The following BRD10 variants were observed in gnomAD, a reference collection of about 807,000 sequenced individuals.
BRD10 encodes the protein uncharacterized bromodomain-containing protein 10.
the BRD10 span, among the ~76,000 whole-genome samples, chr9:5,914,880 A>G: frequency 6.6e-6 from 1 of 152,170 alleles, no homozygotes; most frequent in Admixed American, 6.5e-5. Flanking sequence ...GAGAGACACA[A>G]ATCAATAAAG....
chr9:5,980,599 C>T, the BRD10 span, among the ~76,000 whole-genome samples: 1 of 151,754 alleles, frequency 6.6e-6, no homozygotes, highest in Non-Finnish European at 1.5e-5. Flanking sequence ...AAATTAGGTA[C>T]ATTTAAAGAT....
the BRD10 span, among the ~76,000 whole-genome samples, chr9:5,894,676 TACAG>T: frequency 1.9e-3 from 291 of 152,242 alleles, 1 homozygote; most frequent in African/African-American, 6.4e-3. The surrounding 1 kb of genome is among the most constrained non-coding windows in gnomAD (Gnocchi z 4.0). Context: ...GCTTGGCATA[TACAG>T]ACAATGTGAG....
At chr9:5,909,743 A>G in the BRD10 span, 1 of 152,250 alleles carries the variant, frequency 6.6e-6, no homozygotes, top group African/African-American at 2.4e-5. Flanking sequence ...AAATGTACCT[A>G]TGGCAATTTA....
chr9:5,978,002 T>A, the BRD10 span, among the ~76,000 whole-genome samples: 1 of 152,186 alleles, frequency 6.6e-6, no homozygotes, highest in Non-Finnish European at 1.5e-5. Flanking sequence ...AAGCCTTCAA[T>A]GTTGGGAAAA....
the BRD10 span, among the ~76,000 whole-genome samples, chr9:5,911,542 C>CTTTTTT: frequency 2.3e-5 from 3 of 132,966 alleles, no homozygotes; most frequent in Non-Finnish European, 3.3e-5. Context: ...CTTTTCTTTT[C>CTTTTTT]TTTTTTTTTT....
chr9:5,966,688 G>A, the BRD10 span, among the ~76,000 whole-genome samples: 24 of 151,912 alleles, frequency 1.6e-4, no homozygotes, highest in East Asian at 4.5e-3. Context: ...TCCAACTCCC[G>A]ACCTCATGAT....
At chr9:5,970,647 T>C in the BRD10 span, among the ~76,000 whole-genome samples, 3 of 152,074 alleles carry the variant, frequency 2.0e-5, no homozygotes, top group Admixed American at 2.0e-4. Context: ...TAAAGACAAC[T>C]CACAGGATGG....
chr9:5,947,174 G>C, the BRD10 span, among the ~76,000 whole-genome samples: 1 of 152,108 alleles, frequency 6.6e-6, no homozygotes, highest in Admixed American at 6.6e-5. Flanking sequence ...GCTGTATCTA[G>C]TTAGTAAACT....
chr9:5,920,951 A>G, the BRD10 span: 1 of 1,613,966 alleles, frequency 6.2e-7, no homozygotes. Flanking sequence ...ATTTCCACTG[A>G]CTAAAACAGG....
the BRD10 span, among the ~76,000 whole-genome samples, chr9:6,006,393 T>G: frequency 6.5e-4 from 99 of 152,338 alleles, no homozygotes; most frequent in Non-Finnish European, 1.5e-4. Context: ...ACATTGAATT[T>G]TTCCACTCCC....
chr9:5,926,389 C>T, the BRD10 span, among the ~76,000 whole-genome samples: 1 of 152,090 alleles, frequency 6.6e-6, no homozygotes, highest in Non-Finnish European at 1.5e-5. Flanking sequence ...CTCACTGTAA[C>T]CTCCACCTCC....
At chr9:5,988,816 GA>G in the BRD10 span, among the ~76,000 whole-genome samples, 3 of 151,224 alleles carry the variant, frequency 2.0e-5, no homozygotes, top group Non-Finnish European at 4.4e-5. Flanking sequence ...CTCTTTAATA[GA>G]AAACAAAGTT....
At chr9:5,979,669 ATTTAC>A in the BRD10 span, among the ~76,000 whole-genome samples, 3 of 152,160 alleles carry the variant, frequency 2.0e-5, no homozygotes, top group Non-Finnish European at 4.4e-5. Context: ...ATTAATAGAA[ATTTAC>A]TTGAGGAGAA....
chr9:5,892,746 G>T, the BRD10 span, among the ~76,000 whole-genome samples: 1 of 152,330 alleles, frequency 6.6e-6, no homozygotes, highest in East Asian at 1.9e-4. Context: ...AGGCCAAACA[G>T]GCAGGAAGAT....
At chr9:5,888,822 A>G in the BRD10 span, among the ~76,000 whole-genome samples, 1 of 152,264 alleles carries the variant, frequency 6.6e-6, no homozygotes, top group Non-Finnish European at 1.5e-5. Flanking sequence ...TGGTTGCTTC[A>G]TGAGCTGAGT....
chr9:5,928,258 C>T, the BRD10 span, among the ~76,000 whole-genome samples: 2 of 152,178 alleles, frequency 1.3e-5, no homozygotes, highest in African/African-American at 4.8e-5. Context: ...TGCACTGCTA[C>T]TATCCTAGTC....
the BRD10 span, among the ~76,000 whole-genome samples, chr9:5,947,670 G>C: frequency 1.3e-5 from 2 of 151,758 alleles, no homozygotes; most frequent in African/African-American, 4.8e-5. Flanking sequence ...AAACTGAATA[G>C]GAACACAATT....
chr9:5,944,309 CTA>C, the BRD10 span, among the ~76,000 whole-genome samples: 1 of 151,644 alleles, frequency 6.6e-6, no homozygotes, highest in Non-Finnish European at 1.5e-5. Context: ...CCCTTAAACT[CTA>C]GTCTCTCAAG....
the BRD10 span, among the ~76,000 whole-genome samples, chr9:5,911,506 C>G: frequency 0.61 from 88,930 of 145,336 alleles, 27,841 homozygotes; most frequent in Non-Finnish European, 0.72. Context: ...CAGTTTTGTT[C>G]TTTTTGCTTA....
Sources: gnomAD v4.1 joint callset for allele counts (sites outside exome capture counted in the v4.1 genomes callset) on GRCh38, gnomAD v4.1.1 for gene constraint, Gnocchi (gnomAD v3.1) non-coding constraint, MANE v1.5 for transcripts, NCBI Gene and HGNC (gene_info 2026-07-23, HGNC 2026-07-21) for gene names.